Variants in TJP2 observed in about 807,000 individuals in gnomAD.
TJP2 encodes the protein tight junction protein 2, also known as Friedreich ataxia region gene X104 (tight junction protein ZO-2).
TJP2 carries 91 observed loss-of-function variants against 133.1 expected under a neutral mutation model. The ratio of observed to expected loss-of-function variants is 0.68; its 90% CI spans 0.58 to 0.81. TJP2 has a LOEUF of 0.81. Among genes scored for constraint, TJP2 ranks in the 40% least tolerant of loss-of-function variants. The pLI is 0.00. For synonymous variants in TJP2, 592 were observed against 583.4 expected, an observed-to-expected ratio of 1.01 and a Z score of -0.21; for missense variants, 1,541 against 1,565.6, an observed-to-expected ratio of 0.98 and a Z score of 0.26.
intron 1 of TJP2, among the ~76,000 whole-genome samples, chr9:69,140,218 A>G (rs902811498): frequency 1.3e-5 from 2 of 152,248 alleles, no homozygotes; most frequent in African/African-American, 4.8e-5. Context: ...TCAGCAAAGA[A>G]ATTAAAATAC....
intron 1 of TJP2, among the ~76,000 whole-genome samples, chr9:69,177,687 C>G (rs1342712069): frequency 6.6e-6 from 1 of 151,658 alleles, no homozygotes; most frequent in Admixed American, 6.6e-5. Context: ...CTCTGTTGCC[C>G]AGGCTGAAGT....
chr9:69,141,347 C>T (rs35906864), intron 1 of TJP2, among the ~76,000 whole-genome samples: 13,037 of 152,120 alleles, frequency 0.086, 583 homozygotes, highest in African/African-American at 0.11. Flanking sequence ...CAGAGCCAGG[C>T]CCCTTTCCTC....
At chr9:69,177,216 A>C (rs1420800019) in intron 1 of TJP2, among the ~76,000 whole-genome samples, 1 of 152,194 alleles carries the variant, frequency 6.6e-6, no homozygotes. Context: ...TTGATTTTCC[A>C]GAGAAGGTGA....
chr9:69,248,874 A>G, intron 19 of TJP2: 4 of 991,386 alleles, frequency 4.0e-6, no homozygotes, highest in Middle Eastern at 1.0e-3. Flanking sequence ...TGAAGATGGG[A>G]TTGTTCATAT....
chr9:69,231,092 G>T (rs919413666), intron 11 of TJP2, among the ~76,000 whole-genome samples: 6 of 149,636 alleles, frequency 4.0e-5, no homozygotes, highest in Non-Finnish European at 7.4e-5. Flanking sequence ...TAAAAATATA[G>T]AGTACTAGGG....
At chr9:69,139,789 G>A (rs1003601904) in intron 1 of TJP2, among the ~76,000 whole-genome samples, 4 of 152,132 alleles carry the variant, frequency 2.6e-5, no homozygotes, top group Non-Finnish European at 4.4e-5. Flanking sequence ...TCCTTGTCTC[G>A]AACTCGGCCG....
intron 14 of TJP2, 139 bp from the exon 15 acceptor site, chr9:69,237,739 A>G (rs1394485265): frequency 2.8e-6 from 2 of 704,924 alleles, no homozygotes; most frequent in South Asian, 1.5e-5. Flanking sequence ...ATTCTTCAGA[A>G]CAGAGCCAAG....
chr9:69,228,018 G>C lies in TJP2; in HGVS notation c.1357G>C (p.Gly453Arg). ...EDTPSRLSRM[G>R]ATPTPFKSTG... is the part of the protein sequence containing the mutation. ...CACGCCGAGCAGATTGTCCAGGATG[G>C]GTGCGACACCCACTCCCTTTAAGTC... Residue 453 changes from glycine to arginine, a missense_variant, in exon 9 of 23, where the codon GGT becomes CGT. Physicochemically the swap from Gly to Arg is moderately radical, Grantham distance 125. Transcript: ENST00000377245. 1.2e-6 allele frequency: 2 copies of C among 1,614,074 alleles called. No individual in the cohort carries two copies. The highest frequency in any genetic ancestry group is 1.6e-4 in the Middle Eastern group (1 of 6,062).
At chr9:69,171,248 T>C (rs1377167373), upstream of TJP2, among the ~76,000 whole-genome samples, 1 of 152,202 alleles carries the variant, frequency 6.6e-6, no homozygotes, top group Non-Finnish European at 1.5e-5. Flanking sequence ...AGCCTGCTGA[T>C]CTACTTCCTT....
chr9:69,205,010 CAT>C, intron 1 of TJP2: 1 of 1,381,884 alleles, frequency 7.2e-7, no homozygotes, highest in Non-Finnish European at 9.3e-7. Flanking sequence ...GCATCCCTGC[CAT>C]ATGGATGTGT....
chr9:69,254,194 C>A lies in TJP2; in HGVS notation c.3408-15C>A, dbSNP rs201536384. The A allele has an allele frequency of 1.5e-5, 24 of 1,614,184 alleles. No homozygotes were observed. The East Asian group carries it at 4.7e-4, about 31-fold the overall frequency. On this transcript the variant is annotated splice_polypyrimidine_tract_variant and intron_variant, in intron 22 of 22. Coordinates refer to ENST00000377245, the MANE Select transcript of TJP2 (RefSeq NM_004817.4). Reference sequence around the variant, plus strand: ...GATGTGCTCTGGAATGTCTTTAACACCCTTTTTTTGTTAGTTCCAGACCCC... The same window carrying A: ...GATGTGCTCTGGAATGTCTTTAACAACCTTTTTTTGTTAGTTCCAGACCCC...
At chr9:69,161,718 G>A (rs1045817550) in intron 2 of TJP2, among the ~76,000 whole-genome samples, 3 of 150,396 alleles carry the variant, frequency 2.0e-5, no homozygotes, top group African/African-American at 2.4e-5. Flanking sequence ...TCATAATCTA[G>A]AAAAATACTT....
upstream of TJP2, among the ~76,000 whole-genome samples, chr9:69,169,946 A>G (rs1368862611): frequency 6.6e-6 from 1 of 151,838 alleles, no homozygotes; most frequent in African/African-American, 2.4e-5. Flanking sequence ...GGCTCAAGCA[A>G]TCCTCTCCCC....
At chr9:69,146,890 A>G (rs1251228229) in intron 1 of TJP2, among the ~76,000 whole-genome samples, 2 of 152,222 alleles carry the variant, frequency 1.3e-5, no homozygotes, top group Non-Finnish European at 2.9e-5. Context: ...CATTTGATTT[A>G]GATAGGTTTT....
chr9:69,205,369 T>C (rs376918985), intron 1 of TJP2: 1 of 1,486,304 alleles, frequency 6.7e-7, no homozygotes. Context: ...CAGCAACAAA[T>C]TGTGAGATTG....
chr9:69,165,519 C>A (rs1824304704), intron 2 of TJP2, among the ~76,000 whole-genome samples: 1 of 151,946 alleles, frequency 6.6e-6, no homozygotes, highest in Non-Finnish European at 1.5e-5. Context: ...AAAGCAGGGG[C>A]AAGAATACTG....
intron 1 of TJP2, chr9:69,205,264 T>C (rs1404595428): frequency 6.5e-7 from 1 of 1,537,242 alleles, no homozygotes; most frequent in Non-Finnish European, 8.7e-7. Context: ...TCCCCTTGTT[T>C]TCCCCAACCT....
intron 22 of TJP2, 89 bp from the exon 23 acceptor site, chr9:69,254,120 C>T (rs898686638): frequency 1.4e-6 from 2 of 1,448,978 alleles, no homozygotes; most frequent in Non-Finnish European, 1.9e-6. Context: ...CTCGGGATAC[C>T]CAGTCACTGT....
At chr9:69,137,295 C>CTTTCTTTCT (rs1554768456) in intron 1 of TJP2, among the ~76,000 whole-genome samples, 11 of 69,466 alleles carry the variant, frequency 1.6e-4, no homozygotes, top group African/African-American at 3.4e-4. Context: ...TTCTTTCTTT[C>CTTTCTTTCT]TTTCTTTTCT....
Sources: allele counts gnomAD v4.1 joint callset (sites outside exome capture counted in the v4.1 genomes callset), GRCh38; gene constraint gnomAD v4.1.1; transcripts MANE v1.5; gene names NCBI Gene and HGNC (gene_info 2026-07-23, HGNC 2026-07-21).